Variants in NRXN3 observed in about 807,000 individuals in gnomAD.
NRXN3 encodes neurexin III.
Under a neutral mutation model 137.6 loss-of-function variants are expected in NRXN3, and 32 were observed. That is an observed-to-expected ratio of 0.23 (90% CI 0.18 to 0.31). NRXN3 has a LOEUF of 0.31. Ranked by LOEUF, NRXN3 falls within the 10% of genes least tolerant of loss-of-function variation. NRXN3 has a pLI of 1.00. For synonymous variants in NRXN3, 798 were observed against 784.5 expected (o/e 1.02, Z -0.29); for missense variants, 1,574 against 2,062.5 (o/e 0.76, Z 4.59).
chr14:78,778,404 C>G (rs1357838047), intron 8 of NRXN3, among the ~76,000 whole-genome samples: 1 of 152,112 alleles, frequency 6.6e-6, no homozygotes, highest in Non-Finnish European at 1.5e-5. Context: ...ATACTGCTTC[C>G]TTGGTGCAGT....
chr14:78,383,537 A>C (rs572127592), intron 4 of NRXN3, among the ~76,000 whole-genome samples: 4 of 152,316 alleles, frequency 2.6e-5, no homozygotes, highest in Non-Finnish European at 5.9e-5. Context: ...TGATCTTGGA[A>C]GACTGGGATT....
At chr14:78,610,803 T>C (rs2097294317) in intron 4 of NRXN3, among the ~76,000 whole-genome samples, 1 of 152,184 alleles carries the variant, frequency 6.6e-6, no homozygotes. Flanking sequence ...GGAAGAAATC[T>C]ACAATTACTC....
At chr14:78,932,079 G>T (rs562204456) in intron 10 of NRXN3, among the ~76,000 whole-genome samples, 1 of 152,264 alleles carries the variant, frequency 6.6e-6, no homozygotes, top group African/African-American at 2.4e-5. Context: ...GATGGAGGTT[G>T]CAGTAAGCCA....
At chr14:78,191,206 G>T (rs2060699917) in intron 1 of NRXN3, among the ~76,000 whole-genome samples, 1 of 152,162 alleles carries the variant, frequency 6.6e-6, no homozygotes, top group Non-Finnish European at 1.5e-5. Context: ...ATGACCATTG[G>T]TGAAGGACTA....
intron 4 of NRXN3, 108 bp from the exon 5 acceptor site, chr14:78,645,012 A>C (rs1460528999): frequency 1.1e-6 from 1 of 943,792 alleles, no homozygotes; most frequent in African/African-American, 1.7e-5. Context: ...TGTTGGTATC[A>C]GCACAAGAAC....
chr14:79,051,807 G>A (rs796951599), intron 15 of NRXN3, among the ~76,000 whole-genome samples: 2 of 152,176 alleles, frequency 1.3e-5, no homozygotes, highest in South Asian at 4.1e-4. Context: ...TGGAAGAGGG[G>A]AAGCAAATAC....
rs145195156 is a variant in NRXN3, at chr14:79,123,806, C to T, written c.3262+135665C>T. Among the ~76,000 whole-genome samples, 95 of 152,224 alleles carry T rather than the reference C, an allele frequency of 6.2e-4. 1 individual carries two copies. Among genetic ancestry groups the T allele is most frequent in the African/African-American group, 2.2e-3 (91 of 41,538 alleles). ...GTACTGTATACATGAATAAGCAGAG[C>T]AGGCCAGGTAAGCAAAGTTGTGGTT... On this transcript the variant is annotated intron_variant, in intron 15 of 20. Coordinates refer to ENST00000335750, the MANE Select transcript of NRXN3 (RefSeq NM_001330195.2).
At chr14:79,266,313 A>G (rs1279535149) in intron 15 of NRXN3, among the ~76,000 whole-genome samples, 1 of 152,070 alleles carries the variant, frequency 6.6e-6, no homozygotes, top group Admixed American at 6.5e-5. Flanking sequence ...GATTTTTTTC[A>G]TGACTTTTCA....
intron 15 of NRXN3, among the ~76,000 whole-genome samples, chr14:79,307,946 G>A (rs1440983910): frequency 6.6e-6 from 1 of 152,016 alleles, no homozygotes; most frequent in East Asian, 1.9e-4. Flanking sequence ...CCGAGATCAA[G>A]GTGTCATGGA....
chr14:78,705,078 T>G lies in NRXN3; in HGVS notation c.1222-4139T>G, dbSNP rs531740369. ...CATGGGTGGGATAGTAAGACCAGCT[T>G]GTCACTGTTTGTGACTCTGCTTCTG... On this transcript the variant is annotated intron_variant, in intron 6 of 20. Coordinates refer to ENST00000335750, the MANE Select transcript of NRXN3 (RefSeq NM_001330195.2). Among the ~76,000 whole-genome samples, 13 of 152,342 alleles carry G rather than the reference T, an allele frequency of 8.5e-5. No individual in the cohort carries two copies. In the South Asian group the frequency reaches 2.5e-3, roughly 29 times the overall value.
At chr14:78,176,668 C>T (rs1473430602) in intron 1 of NRXN3, among the ~76,000 whole-genome samples, 2 of 152,190 alleles carry the variant, frequency 1.3e-5, no homozygotes, top group Non-Finnish European at 2.9e-5. Flanking sequence ...CAAAGTTATG[C>T]ACCACGTTTG....
chr14:78,329,073 G>T (rs534572770), intron 4 of NRXN3, among the ~76,000 whole-genome samples: 1 of 152,138 alleles, frequency 6.6e-6, no homozygotes, highest in Non-Finnish European at 1.5e-5. Flanking sequence ...AGTGTATTTG[G>T]CAGGGGACTA....
intron 5 of NRXN3, among the ~76,000 whole-genome samples, chr14:78,645,651 A>C (rs76429396): frequency 4.0e-5 from 6 of 151,218 alleles, no homozygotes; most frequent in South Asian, 4.2e-4. Flanking sequence ...AAAAAAAAAA[A>C]CAACTCAGTT....
intron 4 of NRXN3, among the ~76,000 whole-genome samples, chr14:78,406,391 A>G (rs1332607411): frequency 6.6e-6 from 1 of 152,146 alleles, no homozygotes; most frequent in East Asian, 1.9e-4. Flanking sequence ...TCAGTCCCCT[A>G]CATAGTTCCT....
At chr14:78,604,695 A>T (rs2097232800) in intron 4 of NRXN3, among the ~76,000 whole-genome samples, 1 of 152,182 alleles carries the variant, frequency 6.6e-6, no homozygotes, top group South Asian at 2.1e-4. Context: ...GAGTTAAGAC[A>T]TTGACTGGGC....
chr14:79,637,584 C>G (rs937408589), intron 16 of NRXN3, among the ~76,000 whole-genome samples: 6 of 152,066 alleles, frequency 3.9e-5, no homozygotes, highest in Non-Finnish European at 8.8e-5. Flanking sequence ...GGAATGACAG[C>G]AAACATGTAG....
intron 15 of NRXN3, among the ~76,000 whole-genome samples, chr14:79,181,681 C>CAAAA (rs10658164): frequency 9.2e-5 from 9 of 97,500 alleles, no homozygotes; most frequent in Non-Finnish European, 1.0e-4. Flanking sequence ...GACCCTGTCT[C>CAAAA]AAAAAAAAAA....
At chr14:78,624,831 GTTTGTT>G (rs1260123024) in intron 4 of NRXN3, among the ~76,000 whole-genome samples, 116 of 124,692 alleles carry the variant, frequency 9.3e-4, no homozygotes, top group African/African-American at 3.8e-3. Flanking sequence ...GTGTGTGTGT[GTTTGTT>G]TGTTTGTTTG....
intron 16 of NRXN3, among the ~76,000 whole-genome samples, chr14:79,522,287 TGCA>T (rs2097074013): frequency 6.6e-6 from 1 of 152,108 alleles, no homozygotes; most frequent in Non-Finnish European, 1.5e-5. Context: ...TAATCTAAAC[TGCA>T]GAGTGGTATG....
Sources: gnomAD v4.1 joint callset for allele counts (sites outside exome capture counted in the v4.1 genomes callset) on GRCh38, gnomAD v4.1.1 for gene constraint, MANE v1.5 for transcripts, NCBI Gene and HGNC (gene_info 2026-07-23, HGNC 2026-07-21) for gene names.